The following CATSPERZ variants were observed in gnomAD, a reference collection of about 807,000 sequenced individuals.
CATSPERZ encodes cation channel sperm-associated auxiliary subunit zeta.
A neutral mutation model predicts 21.7 loss-of-function variants in CATSPERZ; 21 were observed. The ratio of observed to expected loss-of-function variants is 0.97; its 90% CI spans 0.69 to 1.39. The LOEUF is 1.39. Among genes scored for constraint, CATSPERZ ranks in the 40% most tolerant of loss-of-function variants. CATSPERZ has a pLI of 0.00. For missense variants in CATSPERZ, 234 were observed against 259.5 expected, an observed-to-expected ratio of 0.90 and a Z score of 0.68; for synonymous variants, 127 against 108.7, an observed-to-expected ratio of 1.17 and a Z score of -1.05.
At position 64,300,405 on chromosome 11, in the gene CATSPERZ, A is replaced by C; in HGVS notation, c.-6A>C. The C allele has an allele frequency of 6.9e-7, 1 of 1,442,918 alleles. No individual in the cohort carries two copies. The allele number at this position is 1,442,918 out of a possible 1,614,324, so 89.4% of individuals were successfully genotyped here. A position where few individuals can be genotyped will look rare whatever the true frequency, so the allele number is the denominator to read the frequency against. ...CTGTGGCGTCTGGGTCCGTTGGGGCAGAACCATGGAGGAAAAGCCTTCGAA... is the reference window on the plus strand; with the variant it reads ...CTGTGGCGTCTGGGTCCGTTGGGGCCGAACCATGGAGGAAAAGCCTTCGAA... On this transcript the variant is annotated 5_prime_UTR_variant, in exon 1 of 5. Transcript: ENST00000328404.
intron 3 of CATSPERZ, 50 bp from the exon 4 acceptor site, chr11:64,303,723 T>C (rs749399787): frequency 9.5e-5 from 148 of 1,552,386 alleles, no homozygotes; most frequent in Non-Finnish European, 1.3e-4. Flanking sequence ...ATTTCAGCTG[T>C]GGGCAGAGAT....
intron 2 of CATSPERZ, among the ~76,000 whole-genome samples, chr11:64,301,790 C>T (rs2034931738): frequency 6.6e-6 from 1 of 151,992 alleles, no homozygotes; most frequent in Non-Finnish European, 1.5e-5. Flanking sequence ...CCTCAGCCAC[C>T]CCCACCACCC....
chr11:64,304,390 T>G (rs558123234), intron 4 of CATSPERZ, among the ~76,000 whole-genome samples, 153 bp from the exon 5 acceptor site: 10 of 152,308 alleles, frequency 6.6e-5, no homozygotes, highest in African/African-American at 2.4e-4. Flanking sequence ...CCCTTAGAGA[T>G]GCAAAGTTCC....
intron 4 of CATSPERZ, among the ~76,000 whole-genome samples, chr11:64,304,196 T>C (rs1476387358): frequency 6.6e-6 from 1 of 152,056 alleles, no homozygotes; most frequent in African/African-American, 2.4e-5. Flanking sequence ...GGACAGTGGA[T>C]TATGTGGGTG....
At chr11:64,303,953 T>G (rs1303801327) in intron 4 of CATSPERZ, 114 bp downstream of exon 4, 36 of 1,039,066 alleles carry the variant, frequency 3.5e-5, no homozygotes, top group Non-Finnish European at 5.1e-5. Context: ...CAGATGCCCT[T>G]GGCACTCACA....
In CATSPERZ at chr11:64,300,662, G is replaced by A. The variant is rs1415429683; in HGVS notation, c.27G>A (p.Ser9=). The change falls in exon 2 of 5, where the codon TCG becomes TCA. Residue 9 remains serine, a synonymous_variant. Coordinates refer to ENST00000328404, the MANE Select transcript of CATSPERZ (RefSeq NM_001039496.2). ...TCCTTGTATGTGGCCCACAGGTGTC[G>A]CTCAAGTCTTCCGACCGCCAAGGCT... MEEKPSKV[S]LKSSDRQGSD... is the part of the protein sequence containing the mutation. 4 of 1,533,976 alleles carry A rather than the reference G, an allele frequency of 2.6e-6. No individual in the cohort carries two copies. The highest frequency in any genetic ancestry group is 1.4e-5 in the African/African-American group (1 of 72,790).
chr11:64,304,004 T>C (rs2034973188), intron 4 of CATSPERZ, among the ~76,000 whole-genome samples, 165 bp downstream of exon 4: 1 of 152,122 alleles, frequency 6.6e-6, no homozygotes, highest in Non-Finnish European at 1.5e-5. Context: ...GCTGAGGGAC[T>C]GGGCACAGGA....
intron 4 of CATSPERZ, 99 bp from the exon 5 acceptor site, chr11:64,304,444 G>T: frequency 6.8e-6 from 6 of 876,696 alleles, no homozygotes; most frequent in South Asian, 1.6e-5. Flanking sequence ...CTGCTACCTC[G>T]AATCATCTGC....
chr11:64,303,846 TC>T lies in CATSPERZ; in HGVS notation c.499+11del, dbSNP rs1175306913. 1 of 1,589,470 alleles carries T rather than the reference TC, an allele frequency of 6.3e-7. No homozygotes were observed. Among genetic ancestry groups the T allele is most frequent in the Non-Finnish European group, 8.6e-7 (1 of 1,168,736 alleles). On this transcript the variant is annotated splice_region_variant and intron_variant, in intron 4 of 4. Coordinates refer to ENST00000328404, the MANE Select transcript of CATSPERZ (RefSeq NM_001039496.2). ...CTCACCAAAGCCCTCCGGAGTAAGC[TC>T]CCCGCCAACCCCCAAGAACTCCCAC...
rs1345863874 is a variant in CATSPERZ at position 64,300,777 on chromosome 11, G to A, written c.142G>A (p.Val48Ile). 2 of 1,554,612 alleles carry A rather than the reference G, an allele frequency of 1.3e-6. No individual in the cohort carries two copies. Among genetic ancestry groups the A allele is most frequent in the African/African-American group, 1.4e-5 (1 of 73,248 alleles). The change falls in exon 2 of 5, where the codon GTC (valine) becomes ATC (isoleucine). Residue 48 changes from valine to isoleucine, a missense_variant. Transcript: ENST00000328404. Reference protein sequence around the residue: ...QAQLNMPLSEVCEGFDEEGRN... With the variant: ...QAQLNMPLSEICEGFDEEGRN... ...ACAGCTGAACATGCCGCTGTCCGAG[G>A]TCTGCGAGGGCTTCGACGAGGAGGG...
chr11:64,302,702 AGCT>A (rs1480844907), intron 2 of CATSPERZ, among the ~76,000 whole-genome samples: 1 of 151,986 alleles, frequency 6.6e-6, no homozygotes. Flanking sequence ...CCTCCTGAGT[AGCT>A]GGGATTACAG....
At chr11:64,301,195 T>G (rs1386236160) in intron 2 of CATSPERZ, among the ~76,000 whole-genome samples, 3 of 152,230 alleles carry the variant, frequency 2.0e-5, no homozygotes, top group East Asian at 3.9e-4. Flanking sequence ...TAACAGGCCT[T>G]TCGGTCGTGA....
Position 64,304,719 on chromosome 11 carries a change from C to A in CATSPERZ, c.*73C>A. 2.3e-6 allele frequency: 3 copies of A among 1,280,444 alleles called. No individual in the cohort carries two copies. The highest frequency in any genetic ancestry group is 3.3e-6 in the Non-Finnish European group (3 of 915,162). The allele number at this position is 1,280,444 out of a possible 1,614,324, so 79.3% of individuals were successfully genotyped here. A position where few individuals can be genotyped will look rare whatever the true frequency, so the allele number is the denominator to read the frequency against. On this transcript the variant is annotated 3_prime_UTR_variant, in exon 5 of 5. Coordinates refer to ENST00000328404, the MANE Select transcript of CATSPERZ (RefSeq NM_001039496.2). Reference sequence around the variant, plus strand: ...GCCCGGTCCCCAGACCCAAGCCTGACCCCATCCGAGTGGAATTTGAGTCCT... The same window carrying A: ...GCCCGGTCCCCAGACCCAAGCCTGAACCCATCCGAGTGGAATTTGAGTCCT...
rs768869278 is a variant in CATSPERZ, at chr11:64,300,824, CG to C, written c.192del (p.Trp65GlyfsTer85). The C allele has an allele frequency of 6.4e-7, 1 of 1,560,730 alleles. No individual in the cohort carries two copies. The highest frequency in any genetic ancestry group is 1.2e-5 in the South Asian group (1 of 84,616). Reference sequence around the variant, plus strand: ...AGGGCCGCAACATTAGCAAGACCCGCGGGTGGCACAGCCCGGGGCGGGGCTC... The same window carrying C: ...AGGGCCGCAACATTAGCAAGACCCGCGGTGGCACAGCCCGGGGCGGGGCTC... ...EEGRNISKTR[G>X]WHSPGRGSLD... is the part of the protein sequence containing the mutation. On this transcript the variant is annotated frameshift_variant, in exon 2 of 5. Coordinates refer to ENST00000328404, the MANE Select transcript of CATSPERZ (RefSeq NM_001039496.2). LOFTEE classifies it high-confidence loss of function.
chr11:64,301,123 C>T (rs964392174), intron 2 of CATSPERZ, 136 bp downstream of exon 2: 2 of 902,012 alleles, frequency 2.2e-6, no homozygotes, highest in African/African-American at 3.4e-5. Context: ...GCGCCCGCGC[C>T]AATCTTTCGC....
intron 2 of CATSPERZ, 79 bp downstream of exon 2, chr11:64,301,066 T>C (rs549945778): frequency 7.7e-7 from 1 of 1,301,986 alleles, no homozygotes; most frequent in Non-Finnish European, 1.0e-6. Context: ...AGCTGTAAAA[T>C]GGGGGGAAGC....
chr11:64,302,963 G>A (rs1156851431), intron 2 of CATSPERZ, among the ~76,000 whole-genome samples: 2 of 142,700 alleles, frequency 1.4e-5, no homozygotes, highest in Non-Finnish European at 1.5e-5. Flanking sequence ...GCAGATGTAC[G>A]ATCTCGGCTC....
rs1356650612 is a variant in CATSPERZ, at chr11:64,300,890, A to T, written c.255A>T (p.Glu85Asp). 2 of 1,573,332 alleles carry T rather than the reference A, an allele frequency of 1.3e-6. No homozygotes were observed. The highest frequency in any genetic ancestry group is 1.9e-5 in the Admixed American group (1 of 53,702). The change falls in exon 2 of 5, where the codon GAA becomes GAT. Residue 85 changes from glutamate to aspartate, a missense_variant. By Grantham distance (45) the Glu-to-Asp change is conservative. Transcript: ENST00000328404. ...ACAAGGCCAGCCACAAGCCGGAGGA[A>T]CTGGACGAGCACGCGCTGGTGGAGC... The part of the protein sequence containing the change: ...EGYKASHKPE[E>D]LDEHALVELE...
Position 64,304,574 on chromosome 11 carries a change from CCTGA to C in CATSPERZ, c.534_537del (p.Thr179ArgfsTer20), listed in dbSNP as rs747302993. ...AGTTAGGGATCGGCAGGGACCACTT[CCTGA>C]CTAAGGAGCTGCAGCGATACATCGA... On this transcript the variant is annotated frameshift_variant, in exon 5 of 5. Transcript: ENST00000328404. LOFTEE classifies it low-confidence loss of function (END_TRUNC). 5.5e-5 allele frequency: 88 copies of C among 1,587,670 alleles called. No homozygotes were observed. The highest frequency in any genetic ancestry group is 7.1e-5 in the Non-Finnish European group (83 of 1,168,004).
Sources: allele counts gnomAD v4.1 joint callset (sites outside exome capture counted in the v4.1 genomes callset), GRCh38; gene constraint gnomAD v4.1.1; transcripts MANE v1.5; gene names NCBI Gene and HGNC (gene_info 2026-07-23, HGNC 2026-07-21).